Variants in KAZN observed in about 807,000 individuals in gnomAD.
The protein encoded by KAZN is kazrin.
A neutral mutation model predicts 87.4 loss-of-function variants in KAZN; 40 were observed. The observed-to-expected ratio is 0.46, with a 90% CI of 0.36 to 0.60. The LOEUF is 0.60. Among genes scored for constraint, KAZN ranks in the 20% least tolerant of loss-of-function variants. The pLI is 0.00. For missense variants in KAZN, 898 were observed against 1,073.9 expected (o/e 0.84, Z 2.29); for synonymous variants, 466 against 458.3 (o/e 1.02, Z -0.22).
chr1:14,105,380 G>A (rs771905913), intron 1 of KAZN, among the ~76,000 whole-genome samples: 2 of 152,194 alleles, frequency 1.3e-5, no homozygotes, highest in African/African-American at 4.8e-5. Flanking sequence ...ATTCAATACA[G>A]AAAGAACAGC....
intron 13 of KAZN, among the ~76,000 whole-genome samples, chr1:15,107,711 C>A (rs990891058): frequency 6.6e-6 from 1 of 152,168 alleles, no homozygotes; most frequent in African/African-American, 2.4e-5. Context: ...CTAGCCCCAC[C>A]ACCGCTGCCT....
intron 2 of KAZN, among the ~76,000 whole-genome samples, chr1:14,509,794 C>A (rs760048086): frequency 2.0e-5 from 3 of 151,878 alleles, no homozygotes; most frequent in Non-Finnish European, 2.9e-5. Context: ...CAGAGTGATG[C>A]GGTATAGAGG....
chr1:14,514,619 A>ATATTTTATATATTTTTTTATAT (rs1557770564), intron 2 of KAZN, among the ~76,000 whole-genome samples: 1 of 53,148 alleles, frequency 1.9e-5, no homozygotes, highest in African/African-American at 7.4e-5. Context: ...ATATATATAT[A>ATATTTTATATATTTTTTTATAT]TATATATATA....
At chr1:14,990,085 G>A (rs1572997390) in intron 2 of KAZN, among the ~76,000 whole-genome samples, 1 of 152,270 alleles carries the variant, frequency 6.6e-6, no homozygotes, top group African/African-American at 2.4e-5. Context: ...CCACACAGCC[G>A]CTAATCCAGA....
At chr1:14,312,173 C>T (rs571652471) in intron 2 of KAZN, among the ~76,000 whole-genome samples, 4 of 152,262 alleles carry the variant, frequency 2.6e-5, no homozygotes, top group Middle Eastern at 6.8e-3. Flanking sequence ...TTGAAGCCAG[C>T]AGACTCAGGT....
chr1:14,496,009 T>C (rs1204215674), intron 2 of KAZN, among the ~76,000 whole-genome samples: 1 of 152,202 alleles, frequency 6.6e-6, no homozygotes, highest in South Asian at 2.1e-4. Context: ...TTTCTAAAAG[T>C]GTGTTTTACC....
intron 13 of KAZN, among the ~76,000 whole-genome samples, chr1:15,105,154 T>C (rs1314779903): frequency 6.6e-6 from 1 of 152,238 alleles, no homozygotes; most frequent in Non-Finnish European, 1.5e-5. Context: ...CTGATTTTGG[T>C]ATCAGGGTAA....
chr1:14,338,028 T>C (rs1024903511), intron 2 of KAZN, among the ~76,000 whole-genome samples: 1 of 152,168 alleles, frequency 6.6e-6, no homozygotes, highest in Non-Finnish European at 1.5e-5. Context: ...TTATCCACAT[T>C]TCCTTGAGTA....
chr1:14,779,618 G>C lies in KAZN; in HGVS notation c.226+180395G>C, dbSNP rs573426221. ...AATTGCTTTCTTCTTTATTTCCTGGGCTGGTTACTATTGATTATCTGCTGT... is the reference window on the plus strand; with the variant it reads ...AATTGCTTTCTTCTTTATTTCCTGGCCTGGTTACTATTGATTATCTGCTGT... On this transcript the variant is annotated intron_variant, in intron 1 of 14. Transcript: ENST00000376030. Among the ~76,000 whole-genome samples the C allele has an allele frequency of 3.9e-5, 6 of 152,088 alleles. No individual in the cohort carries two copies. In the South Asian group the frequency reaches 1.2e-3, roughly 32 times the overall value.
At chr1:14,040,803 A>ATAAAATAAAATTAAAT (rs1553119542) in intron 1 of KAZN, among the ~76,000 whole-genome samples, 4 of 150,658 alleles carry the variant, frequency 2.7e-5, no homozygotes, top group Non-Finnish European at 4.4e-5. Context: ...TTAAATTAAA[A>ATAAAATAAAATTAAAT]TAAAATAAAA....
chr1:14,752,916 G>C (rs1489459993), intron 1 of KAZN, among the ~76,000 whole-genome samples: 1 of 152,228 alleles, frequency 6.6e-6, no homozygotes, highest in Non-Finnish European at 1.5e-5. Context: ...GCCCAGCTGT[G>C]CATTTGGACC....
At chr1:14,105,488 T>A (rs775108194) in intron 1 of KAZN, among the ~76,000 whole-genome samples, 17 of 152,202 alleles carry the variant, frequency 1.1e-4, no homozygotes, top group Non-Finnish European at 2.4e-4. Flanking sequence ...CCTTGCCTTG[T>A]CCTGGGAACC....
At position 14,262,041 on chromosome 1, in the gene KAZN, A is replaced by G. The variant is rs1023991503; in HGVS notation, c.249+81449A>G. On this transcript the variant is annotated intron_variant, in intron 2 of 16. Transcript: ENST00000636203. ...TATGTATTTAATCTATGTTGGAGAA[A>G]TATAACTAGCATATCAAACCAATGA... 3.9e-5 allele frequency among the ~76,000 whole-genome samples: 6 copies of G among 152,266 alleles called. No individual in the cohort carries two copies. In the South Asian group the frequency reaches 6.2e-4, roughly 16 times the overall value.
At chr1:14,240,587 C>T (rs1648847938) in intron 2 of KAZN, among the ~76,000 whole-genome samples, 1 of 152,232 alleles carries the variant, frequency 6.6e-6, no homozygotes, top group African/African-American at 2.4e-5. Context: ...GCATCTACTC[C>T]ATCCCCCAAG....
At chr1:14,384,755 G>A (rs1301191926) in intron 2 of KAZN, among the ~76,000 whole-genome samples, 28 of 151,044 alleles carry the variant, frequency 1.9e-4, no homozygotes, top group South Asian at 6.4e-4. Flanking sequence ...AATGTTCATC[G>A]CGGATATTGG....
chr1:15,067,789 A>G, intron 8 of KAZN: 1 of 985,322 alleles, frequency 1.0e-6, no homozygotes, highest in Non-Finnish European at 1.2e-6. Context: ...CCTAGGGGTG[A>G]CGGGGAGCGA....
In KAZN at chr1:14,839,496, T is replaced by C. The variant is rs61772319; in HGVS notation, c.227-121188T>C. 1.0e-3 allele frequency among the ~76,000 whole-genome samples: 153 copies of C among 152,274 alleles called. 1 individual carries two copies. Among genetic ancestry groups the C allele is most frequent in the Admixed American group, 1.8e-3 (27 of 15,292 alleles). On this transcript the variant is annotated intron_variant, in intron 1 of 14. Coordinates refer to ENST00000376030, the MANE Select transcript of KAZN (RefSeq NM_201628.3). ...AAATGTGACCAAAGCAAGCCCTAAA[T>C]GAACATGAGCTATTGGTATGATTGT...
At chr1:14,563,874 C>CTTTTTTTTTTTTGTTTTTTTTT (rs1674394126) in intron 2 of KAZN, among the ~76,000 whole-genome samples, 1 of 97,928 alleles carries the variant, frequency 1.0e-5, no homozygotes, top group Non-Finnish European at 2.0e-5. Context: ...GTTCAAACTC[C>CTTTTTTTTTTTTGTTTTTTTTT]TTTTTTTTTT....
intron 2 of KAZN, among the ~76,000 whole-genome samples, chr1:14,527,101 G>A (rs1671912568): frequency 6.6e-6 from 1 of 152,142 alleles, no homozygotes; most frequent in Non-Finnish European, 1.5e-5. Flanking sequence ...ATGTCTCATA[G>A]TTGGACTTGT....
Sources: gnomAD v4.1 joint callset for allele counts (sites outside exome capture counted in the v4.1 genomes callset) on GRCh38, gnomAD v4.1.1 for gene constraint, MANE v1.5 for transcripts, NCBI Gene and HGNC (gene_info 2026-07-23, HGNC 2026-07-21) for gene names.